Variants in PCDH15 observed in about 807,000 individuals in gnomAD.
PCDH15 encodes protocadherin-15.
PCDH15 carries 129 observed loss-of-function variants against 178.5 expected under a neutral mutation model. The observed-to-expected ratio is 0.72, with a 90% CI of 0.63 to 0.84. PCDH15 has a LOEUF of 0.84. PCDH15 is among the 40% of genes least tolerant of loss of function. The probability of loss-of-function intolerance (pLI) is 0.00; values close to 1 mark genes in which losing one functional copy is unlikely to be tolerated. For missense variants in PCDH15, 2,230 were observed against 2,099.9 expected, an observed-to-expected ratio of 1.06 and a Z score of -1.21; for synonymous variants, 800 against 732.0, an observed-to-expected ratio of 1.09 and a Z score of -1.50.
intron 2 of PCDH15, among the ~76,000 whole-genome samples, chr10:54,961,408 GAGGCAGGTTTTTAGGTGGGAAT>G (rs1203522540): frequency 2.6e-5 from 4 of 152,202 alleles, no homozygotes; most frequent in African/African-American, 7.2e-5. Flanking sequence ...ATGGTGGCGA[GAGGCAGGTTTTTAGGTGGGAAT>G]AGGCAGGTTT....
chr10:54,419,788 G>A (rs1954985826), intron 3 of PCDH15, among the ~76,000 whole-genome samples: 1 of 152,074 alleles, frequency 6.6e-6, no homozygotes, highest in Admixed American at 6.6e-5. Context: ...CAATTGGAGG[G>A]TGAATTTAAA....
intron 2 of PCDH15, among the ~76,000 whole-genome samples, chr10:54,598,323 C>T (rs1031992517): frequency 3.3e-5 from 5 of 152,000 alleles, no homozygotes; most frequent in African/African-American, 9.7e-5. Flanking sequence ...GTTCAATATA[C>T]AAAAACCAAT....
In PCDH15 at chr10:54,671,003, T is replaced by A. The variant is rs375179439; in HGVS notation, c.-28-6713A>T. ...TATGTTTTCAGAACCTTCATCTAAA[T>A]CTCAGTCTTTTAGATAAATACATTT... On this transcript the variant is annotated intron_variant, in intron 1 of 37. Transcript: ENST00000644397. Among the ~76,000 whole-genome samples, 12 of 152,252 alleles carry A rather than the reference T, an allele frequency of 7.9e-5. No individual in the cohort carries two copies. In the East Asian group the frequency reaches 1.2e-3, roughly 15 times the overall value.
chr10:55,452,090 T>C (rs1839448665), intron 2 of PCDH15, among the ~76,000 whole-genome samples: 1 of 152,198 alleles, frequency 6.6e-6, no homozygotes, highest in Non-Finnish European at 1.5e-5. Context: ...TCTTTCCATT[T>C]TTGCATACCC....
intron 17 of PCDH15, among the ~76,000 whole-genome samples, chr10:54,076,081 C>T (rs1251092539): frequency 6.6e-6 from 1 of 152,026 alleles, no homozygotes; most frequent in Non-Finnish European, 1.5e-5. Context: ...TAAGTCTTCC[C>T]ATCCATGAAC....
intron 3 of PCDH15, among the ~76,000 whole-genome samples, chr10:54,852,237 G>T (rs1953635316): frequency 1.7e-5 from 2 of 115,984 alleles, no homozygotes; most frequent in Admixed American, 9.6e-5. Flanking sequence ...TGAGTAAATT[G>T]TTTCTAATGG....
intron 2 of PCDH15, among the ~76,000 whole-genome samples, chr10:54,559,383 T>G (rs2087750949): frequency 6.6e-6 from 1 of 152,020 alleles, no homozygotes; most frequent in African/African-American, 2.4e-5. Context: ...TTAATCCAGG[T>G]GGATCAACAT....
intron 1 of PCDH15, among the ~76,000 whole-genome samples, chr10:54,700,329 C>T (rs183618692): frequency 1.3e-5 from 2 of 152,074 alleles, no homozygotes; most frequent in African/African-American, 2.4e-5. Flanking sequence ...TCCAGATGAT[C>T]ATGCTAGTTC....
rs575262109 is a variant in PCDH15, at chr10:55,401,596, G to C, written c.-156+226029C>G. 3.2e-4 allele frequency among the ~76,000 whole-genome samples: 27 copies of C among 83,160 alleles called. No individual in the cohort carries two copies. In the South Asian group the frequency reaches 8.5e-3, roughly 26 times the overall value. 54.6% of individuals were successfully genotyped at this position (83,160 alleles called of 152,430 possible). On this transcript the variant is annotated intron_variant, in intron 2 of 5. Transcript: ENST00000613346. ...CTTTACTGGACCAATTTGCCTTACT[G>C]TGTGTGTGTGTGTGTGTGTGTGTGT...
At chr10:54,588,094 T>C (rs2091625153) in intron 2 of PCDH15, among the ~76,000 whole-genome samples, 1 of 152,178 alleles carries the variant, frequency 6.6e-6, no homozygotes, top group African/African-American at 2.4e-5. Context: ...TTTATCATCC[T>C]TCACTACCAT....
intron 28 of PCDH15, among the ~76,000 whole-genome samples, chr10:53,856,278 G>A (rs1347642056): frequency 1.3e-5 from 2 of 151,522 alleles, no homozygotes; most frequent in African/African-American, 2.4e-5. Flanking sequence ...GCTAAATTAG[G>A]GTAATTAAGG....
intron 1 of PCDH15, among the ~76,000 whole-genome samples, chr10:55,178,532 C>T (rs529993723): frequency 6.6e-6 from 1 of 152,228 alleles, no homozygotes; most frequent in East Asian, 1.9e-4. Context: ...AGTGGTTGTT[C>T]TCAGGTCTGG....
rs954951274 is a variant in PCDH15, at chr10:55,225,025, A to C, written c.-155-58374T>G. Among the ~76,000 whole-genome samples the C allele has an allele frequency of 3.9e-5, 6 of 152,126 alleles. No homozygotes were observed. In the South Asian group the frequency reaches 1.2e-3, roughly 32 times the overall value. On this transcript the variant is annotated intron_variant, in intron 1 of 5. Transcript: ENST00000458638. ...TTCTTTAGACATCTTCTTAACACTTATCCTTATTAAAACAATCTTGTTTCT... is the reference window on the plus strand; with the variant it reads ...TTCTTTAGACATCTTCTTAACACTTCTCCTTATTAAAACAATCTTGTTTCT...
intron 1 of PCDH15, among the ~76,000 whole-genome samples, chr10:54,691,291 C>T (rs2095115689): frequency 6.6e-6 from 1 of 151,936 alleles, no homozygotes. Context: ...CTACATAGTT[C>T]CTTGCTGCTT....
At chr10:55,350,666 T>C (rs1844901957) in intron 2 of PCDH15, among the ~76,000 whole-genome samples, 1 of 152,106 alleles carries the variant, frequency 6.6e-6, no homozygotes, top group African/African-American at 2.4e-5. Context: ...TGACTTTTAC[T>C]AGAAAGTGTC....
intron 18 of PCDH15, among the ~76,000 whole-genome samples, chr10:54,041,094 G>T (rs2093532552): frequency 1.3e-5 from 2 of 151,916 alleles, no homozygotes; most frequent in South Asian, 4.1e-4. Flanking sequence ...AAGAAAGAAA[G>T]CAAGAAAGTT....
chr10:55,609,390 A>G (rs1387269168), intron 2 of PCDH15, among the ~76,000 whole-genome samples: 1 of 152,092 alleles, frequency 6.6e-6, no homozygotes, highest in Non-Finnish European at 1.5e-5. Flanking sequence ...CTATAAATAT[A>G]CCTTCCTTAA....
intron 13 of PCDH15, among the ~76,000 whole-genome samples, chr10:54,174,675 T>C (rs897139893): frequency 6.8e-6 from 1 of 148,112 alleles, no homozygotes; most frequent in Admixed American, 6.7e-5. Context: ...TATTTTCTTT[T>C]CCTTCTTTCT....
intron 2 of PCDH15, among the ~76,000 whole-genome samples, chr10:54,925,959 G>T (rs748508617): frequency 1.3e-5 from 2 of 151,956 alleles, no homozygotes; most frequent in Non-Finnish European, 2.9e-5. Context: ...TGCCTATTTG[G>T]TCTTGCCAGT....
Sources: allele counts gnomAD v4.1 joint callset (sites outside exome capture counted in the v4.1 genomes callset), GRCh38; gene constraint gnomAD v4.1.1; transcripts MANE v1.5; gene names NCBI Gene and HGNC (gene_info 2026-07-23, HGNC 2026-07-21).